Variants in E2F8 observed in about 807,000 individuals in gnomAD.
E2F8 encodes transcription factor E2F8.
A neutral mutation model predicts 80.8 loss-of-function variants in E2F8; 35 were observed. The ratio of observed to expected loss-of-function variants is 0.43; its 90% CI spans 0.33 to 0.57. E2F8 has a LOEUF of 0.57. Ranked by LOEUF, E2F8 falls within the 20% of genes least tolerant of loss-of-function variation. E2F8 has a pLI of 0.04. For synonymous variants in E2F8, 386 were observed against 395.0 expected, an observed-to-expected ratio of 0.98 and a Z score of 0.27; for missense variants, 975 against 1,056.2, an observed-to-expected ratio of 0.92 and a Z score of 1.07.
intron 10 of E2F8, among the ~76,000 whole-genome samples, chr11:19,228,740 T>C (rs1851297420): frequency 6.6e-6 from 1 of 152,248 alleles, no homozygotes; most frequent in South Asian, 2.1e-4. Flanking sequence ...TACAGTAATG[T>C]CTCTCATATA....
rs1339875606 is a variant in E2F8 at position 19,230,272 on chromosome 11, T to G, written c.1327A>C (p.Ile443Leu). ...TGCTCTTCTAACTGCATTTTACAAA[T>G]AGCTGCGAGCTGAGCCATTTTACTT... is the stretch of plus-strand genomic sequence containing the variant. ...FPSKMAQLAA[I>L]CKMQLEEQSS... Residue 443 changes from isoleucine to leucine, a missense_variant, in exon 9 of 13, where the codon ATT becomes CTT. Physicochemically the swap from Ile to Leu is conservative, Grantham distance 5. Transcript: ENST00000250024. 1 of 1,613,734 alleles carries G rather than the reference T, an allele frequency of 6.2e-7. No individual in the cohort carries two copies. Among genetic ancestry groups the G allele is most frequent in the South Asian group, 1.1e-5 (1 of 90,970 alleles).
chr11:19,234,692 T>C (rs1226081649), intron 5 of E2F8, 52 bp downstream of exon 5: 2 of 1,565,034 alleles, frequency 1.3e-6, no homozygotes, highest in African/African-American at 1.4e-5. Flanking sequence ...ACCTTTTCCT[T>C]AGACAGAGGA....
In E2F8 at chr11:19,234,486, C is replaced by A. The variant is rs375693568; in HGVS notation, c.802G>T (p.Val268Leu). The A allele has an allele frequency of 2.5e-6, 4 of 1,614,050 alleles. No individual in the cohort carries two copies. The African/African-American group carries it at 5.3e-5, about 22-fold the overall frequency. The change falls in exon 6 of 13, where the codon GTA becomes TTA. Residue 268 changes from valine (V) to leucine (L), a missense_variant. Coordinates refer to ENST00000250024, the MANE Select transcript of E2F8 (RefSeq NM_024680.4). ...VNSRKDKSLR[V>L]MSQKFVMLFL... ...AGCATCACAAATTTCTGGCTCATTA[C>A]CCTTAAAGACTTGTCTTTGCGGCTG...
At position 19,240,187 on chromosome 11, in the gene E2F8, A is replaced by T. The variant is rs1851622310; in HGVS notation, c.-66T>A. On this transcript the variant is annotated 5_prime_UTR_variant, in exon 2 of 13. Coordinates refer to ENST00000250024, the MANE Select transcript of E2F8 (RefSeq NM_024680.4). ...ATCTGGAGTTCCTCCCCAAATCCCG[A>T]TGGTTCAAGTAGTCCAATCAATTGT... The T allele has an allele frequency of 8.7e-7, 1 of 1,149,374 alleles. No individual in the cohort carries two copies. Among genetic ancestry groups the T allele is most frequent in the Admixed American group, 2.4e-5 (1 of 41,060 alleles). The allele number at this position is 1,149,374 out of a possible 1,614,324, so 71.2% of individuals were successfully genotyped here. A position where few individuals can be genotyped will look rare whatever the true frequency, so the allele number is the denominator to read the frequency against.
chr11:19,239,863 T>A (rs1047141609), intron 2 of E2F8, among the ~76,000 whole-genome samples: 3 of 151,014 alleles, frequency 2.0e-5, no homozygotes, highest in Non-Finnish European at 4.4e-5. Flanking sequence ...TTTGACATGA[T>A]TGGAGACTGA....
intron 9 of E2F8, 118 bp from the exon 10 acceptor site, chr11:19,230,106 ATGAG>A (rs1851337911): frequency 6.7e-7 from 1 of 1,486,250 alleles, no homozygotes; most frequent in Non-Finnish European, 9.2e-7. Context: ...AATTTCTGTA[ATGAG>A]TGAGTATGAG....
rs997374054 is a variant in E2F8, at chr11:19,237,466, T to A, written c.299A>T (p.His100Leu). The A allele has an allele frequency of 6.2e-7, 1 of 1,612,628 alleles. No individual in the cohort carries two copies. Among genetic ancestry groups the A allele is most frequent in the Non-Finnish European group, 8.5e-7 (1 of 1,179,556 alleles). The change falls in exon 4 of 13, where the codon CAC becomes CTC. Residue 100 changes from histidine to leucine, a missense_variant. Physicochemically the swap from His to Leu is moderately conservative, Grantham distance 99. Transcript: ENST00000250024. ...TTTCTCAAATTCATCTCCAGATAAG[T>A]GTTCCTACAAAGGAAAAGGTAAACA... The part of the protein sequence containing the change: ...LPEAKDCIHE[H>L]LSGDEFEKSQ...
intron 10 of E2F8, among the ~76,000 whole-genome samples, chr11:19,227,177 G>A (rs1335168721): frequency 2.6e-5 from 4 of 152,154 alleles, no homozygotes; most frequent in Admixed American, 6.5e-5. Context: ...TAATCTAGTT[G>A]TTAATAGGTC....
chr11:19,234,672 T>A (rs1420600684), intron 5 of E2F8, 72 bp downstream of exon 5: 2 of 1,543,540 alleles, frequency 1.3e-6, no homozygotes, highest in Non-Finnish European at 1.7e-6. Flanking sequence ...AGAGCTGTGT[T>A]CTCCACAGAA....
chr11:19,225,133 A>C, intron 12 of E2F8, 88 bp downstream of exon 12: 1 of 1,513,438 alleles, frequency 6.6e-7, no homozygotes, highest in Non-Finnish European at 8.8e-7. Context: ...CTCTCCAAAG[A>C]GGAAAAGCAA....
Position 19,225,799 on chromosome 11 carries a change from A to C in E2F8, c.1959T>G (p.Ile653Met), listed in dbSNP as rs752157786. 3 of 1,613,932 alleles carry C rather than the reference A, an allele frequency of 1.9e-6. No homozygotes were observed. The South Asian group carries it at 3.3e-5, about 18-fold the overall frequency. Reference sequence around the variant, plus strand: ...CACTTGAGTTTTCTTTACCAGACAAAATGGACTCTGCCCCCAGGGATGAGC... The same window carrying C: ...CACTTGAGTTTTCTTTACCAGACAACATGGACTCTGCCCCCAGGGATGAGC... Reference protein sequence around the residue: ...TQCSSLGAESILSGKENSSAL... With the variant: ...TQCSSLGAESMLSGKENSSAL... Residue 653 changes from isoleucine to methionine, a missense_variant, in exon 11 of 13, where the codon ATT becomes ATG. Transcript: ENST00000250024.
chr11:19,235,751 T>C (rs1349280624), intron 4 of E2F8, among the ~76,000 whole-genome samples: 8 of 151,882 alleles, frequency 5.3e-5, no homozygotes, highest in African/African-American at 9.7e-5. Context: ...AAACCAAGTC[T>C]TTAAAACTCT....
intron 2 of E2F8, among the ~76,000 whole-genome samples, chr11:19,238,496 C>T (rs1400663830): frequency 6.6e-6 from 1 of 152,230 alleles, no homozygotes; most frequent in Non-Finnish European, 1.5e-5. Context: ...CACTCAGCTT[C>T]CCCTAATTGG....
chr11:19,225,937 G>A lies in E2F8; in HGVS notation c.1894-73C>T, dbSNP rs1590121514. 6.5e-6 allele frequency: 10 copies of A among 1,538,048 alleles called. No individual in the cohort carries two copies. The East Asian group carries it at 2.3e-4, about 35-fold the overall frequency. ...AAAAATGGCCACGTGCCTCTTTCAGGACTAATATCCCTTGGTGGTTGCCTC... is the reference window on the plus strand; with the variant it reads ...AAAAATGGCCACGTGCCTCTTTCAGAACTAATATCCCTTGGTGGTTGCCTC... On this transcript the variant is annotated intron_variant, in intron 10 of 12. Transcript: ENST00000250024.
Position 19,229,989 on chromosome 11 carries a change from C to A in E2F8, c.1359-1G>T. On this transcript the variant is annotated splice_acceptor_variant, in intron 9 of 12. Transcript: ENST00000250024. LOFTEE classifies it high-confidence loss of function. The surrounding 1 kb of genome is among the most constrained non-coding windows in gnomAD (Gnocchi z 4.3). ...TACTTTCACTTTCTGTCTGGATTCACTGAAAGACAAGATTTAATACACGAC... is the reference window on the plus strand; with the variant it reads ...TACTTTCACTTTCTGTCTGGATTCAATGAAAGACAAGATTTAATACACGAC... 6.2e-7 allele frequency: 1 copy of A among 1,613,154 alleles called. No homozygotes were observed. Among genetic ancestry groups the A allele is most frequent in the Non-Finnish European group, 8.5e-7 (1 of 1,179,884 alleles).
At chr11:19,241,184 G>A (rs147762320), upstream of E2F8, among the ~76,000 whole-genome samples, 95 of 152,342 alleles carry the variant, frequency 6.2e-4, 1 homozygote, top group South Asian at 8.3e-4. This position sits in a 1 kb window ranked among gnomAD's most constrained non-coding sequence, Gnocchi z 4.5. Flanking sequence ...CCCCTTAGCT[G>A]CGCGGGGCCT....
At chr11:19,226,434 G>A (rs1851238782) in intron 10 of E2F8, among the ~76,000 whole-genome samples, 1 of 152,226 alleles carries the variant, frequency 6.6e-6, no homozygotes, top group African/African-American at 2.4e-5. Flanking sequence ...CACACAGCAG[G>A]TAGCATTTCC....
At chr11:19,239,257 A>C (rs1232803614) in intron 2 of E2F8, among the ~76,000 whole-genome samples, 3 of 152,196 alleles carry the variant, frequency 2.0e-5, no homozygotes, top group Non-Finnish European at 4.4e-5. Flanking sequence ...AGTGGAACAC[A>C]GATATTTTCA....
chr11:19,237,199 C>G lies in E2F8; in HGVS notation c.451+115G>C, dbSNP rs146294304. 1.7e-3 allele frequency: 1,746 copies of G among 1,031,658 alleles called. 12 individuals carry two copies. The highest frequency in any genetic ancestry group is 0.012 in the African/African-American group (738 of 61,278). The allele number at this position is 1,031,658 out of a possible 1,614,324, so 63.9% of individuals were successfully genotyped here. On this transcript the variant is annotated intron_variant, in intron 4 of 12. Transcript: ENST00000250024. Reference sequence around the variant, plus strand: ...GCTTTAGAGATAGAAAATTTCCATGCCGGCTTATTTGTGTCATTTACAAAC... The same window carrying G: ...GCTTTAGAGATAGAAAATTTCCATGGCGGCTTATTTGTGTCATTTACAAAC...
Sources: allele counts gnomAD v4.1 joint callset (sites outside exome capture counted in the v4.1 genomes callset), GRCh38; gene constraint gnomAD v4.1.1; non-coding constraint Gnocchi (gnomAD v3.1); transcripts MANE v1.5; gene names NCBI Gene and HGNC (gene_info 2026-07-23, HGNC 2026-07-21).